Variants in CACNA2D3 observed in about 807,000 individuals in gnomAD.
CACNA2D3 encodes voltage-dependent calcium channel subunit alpha-2/delta-3.
Under a neutral mutation model 160.6 loss-of-function variants are expected in CACNA2D3, and 60 were observed. The observed-to-expected ratio is 0.37, with a 90% CI of 0.30 to 0.46. The LOEUF is 0.46. Among genes scored for constraint, CACNA2D3 ranks in the 20% least tolerant of loss-of-function variants. The pLI is 1.00. For missense variants in CACNA2D3, 1,205 were observed against 1,365.0 expected (o/e 0.88, Z 1.85); for synonymous variants, 558 against 492.9 (o/e 1.13, Z -1.75).
At chr3:54,400,290 G>A (rs370013111) in intron 4 of CACNA2D3, among the ~76,000 whole-genome samples, 7 of 151,774 alleles carry the variant, frequency 4.6e-5, no homozygotes, top group African/African-American at 7.3e-5. Flanking sequence ...GCTGTAGACC[G>A]GAGCTGTTCC....
At chr3:54,453,136 T>C (rs1700337461) in intron 4 of CACNA2D3, among the ~76,000 whole-genome samples, 1 of 151,996 alleles carries the variant, frequency 6.6e-6, no homozygotes, top group African/African-American at 2.4e-5. Flanking sequence ...GGACCATAAG[T>C]ATGCACCACC....
At chr3:54,481,952 A>C (rs1013236446) in intron 4 of CACNA2D3, among the ~76,000 whole-genome samples, 2 of 152,246 alleles carry the variant, frequency 1.3e-5, no homozygotes, top group African/African-American at 4.8e-5. Context: ...CTTCCTTTTG[A>C]ACAGCCAGAT....
At chr3:54,539,460 GTGTGT>G (rs1701937102) in intron 5 of CACNA2D3, among the ~76,000 whole-genome samples, 1 of 152,204 alleles carries the variant, frequency 6.6e-6, no homozygotes, top group African/African-American at 2.4e-5. Context: ...AGGGGTGTGT[GTGTGT>G]TGTATGTGCT....
chr3:54,206,102 G>A (rs1481960458), intron 2 of CACNA2D3, among the ~76,000 whole-genome samples: 1 of 152,146 alleles, frequency 6.6e-6, no homozygotes, highest in Admixed American at 6.5e-5. Context: ...CATAGAAAAC[G>A]TTCGAAGATG....
chr3:54,881,459 A>C (rs1366118649), intron 21 of CACNA2D3, among the ~76,000 whole-genome samples: 2 of 152,252 alleles, frequency 1.3e-5, no homozygotes, highest in African/African-American at 2.4e-5. Flanking sequence ...ACAGAGGCAC[A>C]GTAAACTCTC....
chr3:54,289,549 A>G (rs1703128243), intron 2 of CACNA2D3, among the ~76,000 whole-genome samples: 1 of 152,140 alleles, frequency 6.6e-6, no homozygotes, highest in South Asian at 2.1e-4. Flanking sequence ...CAGAATTGGA[A>G]AAAACTACTT....
At chr3:54,712,692 T>C (rs1278792127) in intron 11 of CACNA2D3, among the ~76,000 whole-genome samples, 1 of 152,192 alleles carries the variant, frequency 6.6e-6, no homozygotes, top group Non-Finnish European at 1.5e-5. Context: ...AACGGACTAA[T>C]ACAAAGAGAA....
chr3:54,405,692 G>A (rs1198815800), intron 4 of CACNA2D3, among the ~76,000 whole-genome samples: 2 of 152,054 alleles, frequency 1.3e-5, no homozygotes, highest in Non-Finnish European at 2.9e-5. Context: ...AAAAGCTCAG[G>A]CTACAAAAGC....
At chr3:54,288,794 G>A (rs1703104691) in intron 2 of CACNA2D3, among the ~76,000 whole-genome samples, 1 of 152,048 alleles carries the variant, frequency 6.6e-6, no homozygotes, top group Non-Finnish European at 1.5e-5. Context: ...ATGTAATCCA[G>A]CATATAAACA....
At chr3:54,175,855 C>T (rs1332371961) in intron 2 of CACNA2D3, among the ~76,000 whole-genome samples, 1 of 151,986 alleles carries the variant, frequency 6.6e-6, no homozygotes, top group East Asian at 1.9e-4. Flanking sequence ...AGTCAGTGGG[C>T]TTGAAGAGCA....
At chr3:55,004,411 C>T (rs777120396) in intron 31 of CACNA2D3, among the ~76,000 whole-genome samples, 37 of 152,178 alleles carry the variant, frequency 2.4e-4, no homozygotes, top group Non-Finnish European at 4.3e-4. Flanking sequence ...AAATTCCATC[C>T]GGGTCTTAGA....
chr3:54,417,932 A>G (rs980848389), intron 4 of CACNA2D3, among the ~76,000 whole-genome samples: 1 of 152,052 alleles, frequency 6.6e-6, no homozygotes, highest in African/African-American at 2.4e-5. Context: ...GACTATAGGC[A>G]TATGCCACCA....
At chr3:54,333,372 C>T (rs1704307210) in intron 3 of CACNA2D3, among the ~76,000 whole-genome samples, 1 of 152,018 alleles carries the variant, frequency 6.6e-6, no homozygotes, top group Non-Finnish European at 1.5e-5. Flanking sequence ...ATTTCTGTGT[C>T]TGCACTGCTC....
chr3:54,414,802 T>A (rs1332287744), intron 4 of CACNA2D3, among the ~76,000 whole-genome samples: 1 of 58,742 alleles, frequency 1.7e-5, no homozygotes, highest in Non-Finnish European at 3.2e-5. Flanking sequence ...TTCTTTTAAC[T>A]TTTTTTTTTT....
Position 55,009,340 on chromosome 3 carries a change from T to C in CACNA2D3, c.2820-48T>C, listed in dbSNP as rs76823402. Reference sequence around the variant, plus strand: ...TACAGAAAGTCACTGTTCTGTGATATGGGCATGGATGACGAAGTAACATTG... The same window carrying C: ...TACAGAAAGTCACTGTTCTGTGATACGGGCATGGATGACGAAGTAACATTG... On this transcript the variant is annotated intron_variant, in intron 33 of 37. Coordinates refer to ENST00000474759, the MANE Select transcript of CACNA2D3 (RefSeq NM_018398.3). 1,791 of 1,502,014 alleles carry C rather than the reference T, an allele frequency of 1.2e-3. 21 individuals are homozygous for C. The African/African-American group carries it at 0.022, about 18-fold the overall frequency. 93.0% of individuals were successfully genotyped at this position (1,502,014 alleles called of 1,614,324 possible). A position where few individuals can be genotyped will look rare whatever the true frequency, so the allele number is the denominator to read the frequency against.
chr3:54,798,741 A>G (rs141595005), intron 13 of CACNA2D3, among the ~76,000 whole-genome samples: 185 of 152,344 alleles, frequency 1.2e-3, no homozygotes, highest in African/African-American at 4.3e-3. Context: ...ATAGCAGAGT[A>G]TACCAACCCA....
intron 5 of CACNA2D3, among the ~76,000 whole-genome samples, chr3:54,538,042 C>T (rs1340923781): frequency 7.2e-5 from 11 of 152,148 alleles, no homozygotes; most frequent in Admixed American, 2.6e-4. Flanking sequence ...TGCACAGTCA[C>T]GTGAGTGTCC....
intron 35 of CACNA2D3, among the ~76,000 whole-genome samples, chr3:55,066,169 A>C (rs916546137): frequency 6.6e-6 from 1 of 152,216 alleles, no homozygotes; most frequent in Non-Finnish European, 1.5e-5. Context: ...CAAGGAGAAC[A>C]GGATCCTGGT....
At chr3:54,422,581 A>T (rs1265026490) in intron 4 of CACNA2D3, among the ~76,000 whole-genome samples, 1 of 152,180 alleles carries the variant, frequency 6.6e-6, no homozygotes, top group Admixed American at 6.5e-5. Flanking sequence ...CCATGGACAA[A>T]GAAAAGATGC....
Sources: gnomAD v4.1 joint callset for allele counts (sites outside exome capture counted in the v4.1 genomes callset) on GRCh38, gnomAD v4.1.1 for gene constraint, MANE v1.5 for transcripts, NCBI Gene and HGNC (gene_info 2026-07-23, HGNC 2026-07-21) for gene names.